The following SGCD variants were observed in gnomAD, a reference collection of about 807,000 sequenced individuals.
SGCD encodes the protein sarcoglycan delta, also known as delta-sarcoglycan.
A neutral mutation model predicts 36.6 loss-of-function variants in SGCD; 18 were observed. The ratio of observed to expected loss-of-function variants is 0.49; its 90% CI spans 0.34 to 0.73. The LOEUF is 0.73. SGCD is among the 30% of genes least tolerant of loss of function. SGCD has a pLI of 0.01. For synonymous variants in SGCD, 133 were observed against 130.6 expected, an observed-to-expected ratio of 1.02 and a Z score of -0.12; for missense variants, 387 against 346.7, an observed-to-expected ratio of 1.12 and a Z score of -0.92.
At chr5:156,168,082 G>A (rs989417314) in intron 3 of SGCD, among the ~76,000 whole-genome samples, 1 of 152,060 alleles carries the variant, frequency 6.6e-6, no homozygotes, top group African/African-American at 2.4e-5. Flanking sequence ...GGAATAAATG[G>A]GATAACTCAC....
the SGCD span, among the ~76,000 whole-genome samples, chr5:155,835,971 TG>T: frequency 3.9e-5 from 6 of 152,080 alleles, no homozygotes; most frequent in Non-Finnish European, 8.8e-5. Flanking sequence ...GGAAAACATA[TG>T]GTATATATAG....
chr5:156,499,149 T>A (rs541635489), intron 3 of SGCD, among the ~76,000 whole-genome samples: 11 of 152,242 alleles, frequency 7.2e-5, no homozygotes, highest in South Asian at 6.2e-4. Flanking sequence ...TCTGTAAGCA[T>A]TGGTTTTCTC....
chr5:155,752,737 A>G, the SGCD span, among the ~76,000 whole-genome samples: 1 of 152,176 alleles, frequency 6.6e-6, no homozygotes, highest in Non-Finnish European at 1.5e-5. Flanking sequence ...TGTATTTCTA[A>G]CACCTAGTAG....
At chr5:155,802,462 C>A in the SGCD span, among the ~76,000 whole-genome samples, 1 of 152,086 alleles carries the variant, frequency 6.6e-6, no homozygotes, top group South Asian at 2.1e-4. Context: ...GTTTCTGTTG[C>A]TTGAGATTGA....
At chr5:156,004,357 T>G (rs1296144096) in intron 1 of SGCD, among the ~76,000 whole-genome samples, 2 of 152,230 alleles carry the variant, frequency 1.3e-5, no homozygotes, top group Non-Finnish European at 2.9e-5. Flanking sequence ...ATAATACTGC[T>G]GTTTCCACTA....
chr5:156,212,652 A>C (rs188804730), intron 3 of SGCD, among the ~76,000 whole-genome samples: 15 of 152,274 alleles, frequency 9.9e-5, no homozygotes, highest in Non-Finnish European at 1.8e-4. Flanking sequence ...AATAGAATAG[A>C]TCTAATAGAA....
intron 3 of SGCD, chr5:156,458,303 A>T (rs944757645): frequency 5.7e-5 from 48 of 836,132 alleles, no homozygotes; most frequent in Non-Finnish European, 6.9e-5. Flanking sequence ...GGTTTTGGAA[A>T]TTCACTTTGT....
chr5:156,464,980 A>G (rs1182109158), intron 3 of SGCD, among the ~76,000 whole-genome samples: 3 of 152,164 alleles, frequency 2.0e-5, no homozygotes, highest in Admixed American at 1.3e-4. Flanking sequence ...GACATTCTGC[A>G]CACTTCAGAT....
chr5:156,199,071 G>A (rs989826429), intron 3 of SGCD, among the ~76,000 whole-genome samples: 4 of 152,034 alleles, frequency 2.6e-5, no homozygotes, highest in African/African-American at 9.7e-5. Flanking sequence ...CTAAACACAT[G>A]TAGATACACA....
intron 3 of SGCD, among the ~76,000 whole-genome samples, chr5:156,383,157 A>G (rs17053509): frequency 0.16 from 23,998 of 152,144 alleles, 2,033 homozygotes; most frequent in Middle Eastern, 0.26. Flanking sequence ...GCTGTGTGGT[A>G]CATTCTATGC....
At chr5:156,299,745 G>T (rs367721961) in intron 3 of SGCD, among the ~76,000 whole-genome samples, 2 of 152,076 alleles carry the variant, frequency 1.3e-5, no homozygotes, top group African/African-American at 4.8e-5. Context: ...GCTGTTCACC[G>T]TTGGCATGTA....
chr5:155,754,543 G>A, the SGCD span, among the ~76,000 whole-genome samples: 6 of 152,188 alleles, frequency 3.9e-5, no homozygotes, highest in African/African-American at 1.4e-4. Context: ...AGTTGCAGCA[G>A]AGTCACAGGG....
intron 3 of SGCD, among the ~76,000 whole-genome samples, chr5:156,502,764 A>G (rs1192637948): frequency 6.6e-6 from 1 of 152,234 alleles, no homozygotes; most frequent in Admixed American, 6.5e-5. Context: ...AATGTTTTTT[A>G]ATAAAGCTCA....
the SGCD span, among the ~76,000 whole-genome samples, chr5:155,767,309 C>A: frequency 6.6e-6 from 1 of 152,176 alleles, no homozygotes; most frequent in Non-Finnish European, 1.5e-5. Context: ...GCCTGAACTT[C>A]CCCTTGGGGA....
At chr5:156,544,455 A>G (rs1297723666) in intron 4 of SGCD, among the ~76,000 whole-genome samples, 1 of 152,210 alleles carries the variant, frequency 6.6e-6, no homozygotes, top group Non-Finnish European at 1.5e-5. Context: ...CCACTCAGCC[A>G]TAAGCTCCAA....
At chr5:156,266,688 G>C (rs1306756651) in intron 3 of SGCD, among the ~76,000 whole-genome samples, 6 of 151,730 alleles carry the variant, frequency 4.0e-5, no homozygotes, top group Admixed American at 3.9e-4. Flanking sequence ...ATGTTTCCCA[G>C]GCTGGTCTCA....
At chr5:156,364,398 A>G (rs1769980818) in intron 3 of SGCD, among the ~76,000 whole-genome samples, 1 of 151,892 alleles carries the variant, frequency 6.6e-6, no homozygotes, top group African/African-American at 2.4e-5. Flanking sequence ...AATGAAATCC[A>G]TGAAATACTT....
At chr5:156,324,748 T>G (rs1026124096), upstream of SGCD, among the ~76,000 whole-genome samples, 4 of 149,774 alleles carry the variant, frequency 2.7e-5, no homozygotes, top group Admixed American at 2.7e-4. Flanking sequence ...TAAAACTTCT[T>G]TTTTTTTTTC....
chr5:156,467,925 T>C (rs531106032), intron 3 of SGCD, among the ~76,000 whole-genome samples: 2 of 152,356 alleles, frequency 1.3e-5, no homozygotes, highest in South Asian at 4.1e-4. Flanking sequence ...GTGGTGGCTA[T>C]TAGAAGTAGG....
Sources: allele counts gnomAD v4.1 joint callset (sites outside exome capture counted in the v4.1 genomes callset), GRCh38; gene constraint gnomAD v4.1.1; transcripts MANE v1.5; gene names NCBI Gene and HGNC (gene_info 2026-07-23, HGNC 2026-07-21).